Variants in NLRP4 observed in about 807,000 individuals in gnomAD.
NLRP4 encodes NACHT, LRR and PYD domains-containing protein 4.
A neutral mutation model predicts 84.7 loss-of-function variants in NLRP4; 44 were observed. The ratio of observed to expected loss-of-function variants is 0.52; its 90% CI spans 0.41 to 0.67. The LOEUF (loss-of-function observed/expected upper bound fraction) is 0.67, where lower values mean the gene tolerates loss of function less well. Ranked by LOEUF, NLRP4 falls within the 30% of genes least tolerant of loss-of-function variation. The probability of loss-of-function intolerance (pLI) is 0.00; values close to 1 mark genes in which losing one functional copy is unlikely to be tolerated. For synonymous variants in NLRP4, 544 were observed against 476.4 expected (o/e 1.14, Z -1.85); for missense variants, 1,260 against 1,219.4 (o/e 1.03, Z -0.50).
rs147124280 is a variant in NLRP4, at chr19:55,852,442, A to G, written c.280+82A>G. ...TGGTGAGTGGTCTCTGCCTGTCTAC[A>G]ACAGGACCTGAATGTGCTATGGGAA... On this transcript the variant is annotated intron_variant, in intron 2 of 9. Coordinates refer to ENST00000301295, the MANE Select transcript of NLRP4 (RefSeq NM_134444.5). 2.6e-4 allele frequency: 217 copies of G among 842,090 alleles called. 1 individual carries two copies. The highest frequency in any genetic ancestry group is 1.0e-3 in the Admixed American group (38 of 38,178). The allele number at this position is 842,090 out of a possible 1,614,324, so 52.2% of individuals were successfully genotyped here.
chr19:55,851,630 CCGAGG>C lies in NLRP4; in HGVS notation c.-65-384_-65-380del, dbSNP rs1984149990. 1.6e-4 allele frequency among the ~76,000 whole-genome samples: 16 copies of C among 98,348 alleles called. No homozygotes were observed. In the South Asian group the frequency reaches 5.5e-3, roughly 34 times the overall value. The allele number at this position is 98,348 out of a possible 152,430, so 64.5% of individuals were successfully genotyped here. On this transcript the variant is annotated intron_variant, in intron 1 of 9. Transcript: ENST00000301295. ...AATGTCCGTGGCTGCGGTGTAATGT[CCGAGG>C]CTGCGGTGTAATGTCCGAGGCTGCG...
rs189299553 is a variant in NLRP4, at chr19:55,881,592, G to C, written c.*5G>C. 1 of 1,414,150 alleles carries C rather than the reference G, an allele frequency of 7.1e-7. No individual in the cohort carries two copies. Among genetic ancestry groups the C allele is most frequent in the South Asian group, 1.2e-5 (1 of 85,124 alleles). The allele number at this position is 1,414,150 out of a possible 1,614,324, so 87.6% of individuals were successfully genotyped here. A position where few individuals can be genotyped will look rare whatever the true frequency, so the allele number is the denominator to read the frequency against. ...ATCACAAGGGTAGAGATCTGATTGC[G>C]AGGAACCTGGGCTCTGACTCGAACA... On this transcript the variant is annotated 3_prime_UTR_variant, in exon 10 of 10. Coordinates refer to ENST00000301295, the MANE Select transcript of NLRP4 (RefSeq NM_134444.5).
At chr19:55,866,230 C>T (rs1190318859) in intron 5 of NLRP4, among the ~76,000 whole-genome samples, 27 of 152,176 alleles carry the variant, frequency 1.8e-4, no homozygotes, top group Admixed American at 1.7e-3. Context: ...GATGGGGTTT[C>T]ACCATGCTGG....
At chr19:55,838,319 T>C (rs1228027387) in intron 1 of NLRP4, among the ~76,000 whole-genome samples, 1 of 150,594 alleles carries the variant, frequency 6.6e-6, no homozygotes, top group African/African-American at 2.4e-5. Flanking sequence ...AATGGCCACA[T>C]GAAGGTAGAG....
At chr19:55,861,852 A>C (rs1271706002) in intron 4 of NLRP4, 140 bp from the exon 5 acceptor site, 1 of 702,698 alleles carries the variant, frequency 1.4e-6, no homozygotes, top group African/African-American at 1.8e-5. Context: ...AAAATCTCTC[A>C]AGTTGAGAAC....
intron 1 of NLRP4, among the ~76,000 whole-genome samples, chr19:55,845,281 G>A (rs1464395234): frequency 6.7e-6 from 1 of 148,738 alleles, no homozygotes; most frequent in Non-Finnish European, 1.5e-5. Context: ...GCAGTGTTTG[G>A]TTTTTTGTCC....
chr19:55,840,344 A>ATGTGTG lies in NLRP4; in HGVS notation c.-66+3438_-66+3443dup, dbSNP rs762148583. On this transcript the variant is annotated intron_variant, in intron 1 of 9. Transcript: ENST00000301295. The stretch of plus-strand genomic sequence containing the variant: ...TGTGTATAGACATATGTGTATGTGT[A>ATGTGTG]TGTGTGTGTGTGTGTGTGTGTGTGT... 6.2e-3 allele frequency among the ~76,000 whole-genome samples: 742 copies of ATGTGTG among 119,704 alleles called. 3 individuals are homozygous for ATGTGTG. Among genetic ancestry groups the ATGTGTG allele is most frequent in the South Asian group, 0.011 (41 of 3,784 alleles). 78.5% of individuals were successfully genotyped at this position (119,704 alleles called of 152,430 possible). A position where few individuals can be genotyped will look rare whatever the true frequency, so the allele number is the denominator to read the frequency against.
chr19:55,868,273 T>A (rs1985040632), intron 6 of NLRP4, among the ~76,000 whole-genome samples: 1 of 151,838 alleles, frequency 6.6e-6, no homozygotes, highest in African/African-American at 2.4e-5. Context: ...CGGGGAAAAA[T>A]GTCTATGGGC....
Position 55,836,708 on chromosome 19 carries a change from ACC to A in NLRP4, c.-290_-289del, listed in dbSNP as rs1465016618. On this transcript the variant is annotated 5_prime_UTR_variant, in exon 1 of 10. Coordinates refer to ENST00000301295, the MANE Select transcript of NLRP4 (RefSeq NM_134444.5). ...ACAGCCAGGCCTCTCCATTCTATTTACCCAGCGTTTTCCTTCTCTCCAGTTAG... is the reference window on the plus strand; with the variant it reads ...ACAGCCAGGCCTCTCCATTCTATTTACAGCGTTTTCCTTCTCTCCAGTTAG... 1 of 150,600 alleles carries A rather than the reference ACC, an allele frequency of 6.6e-6. No individual in the cohort carries two copies. Among genetic ancestry groups the A allele is most frequent in the Non-Finnish European group, 1.5e-5 (1 of 67,810 alleles). The allele number at this position is 150,600 out of a possible 1,614,324, so 9.3% of individuals were successfully genotyped here. A position where few individuals can be genotyped will look rare whatever the true frequency, so the allele number is the denominator to read the frequency against.
At chr19:55,863,817 C>T (rs12973603) in intron 5 of NLRP4, among the ~76,000 whole-genome samples, 4,015 of 152,186 alleles carry the variant, frequency 0.026, 111 homozygotes, top group South Asian at 0.1. Flanking sequence ...GTGTACTTTC[C>T]AGTATGTATG....
At position 55,874,253 on chromosome 19, in the gene NLRP4, T is replaced by C. The variant is rs114834151; in HGVS notation, c.2526-2743T>C. Among the ~76,000 whole-genome samples, 1,391 of 152,306 alleles carry C rather than the reference T, an allele frequency of 9.1e-3. 17 individuals carry two copies. The highest frequency in any genetic ancestry group is 0.031 in the African/African-American group (1,295 of 41,572). On this transcript the variant is annotated intron_variant, in intron 7 of 9. Coordinates refer to ENST00000301295, the MANE Select transcript of NLRP4 (RefSeq NM_134444.5). Reference sequence around the variant, plus strand: ...ATAATATAGTTTATTTAGCCATATATCAAACATCACTTCAATATGTAATCA... The same window carrying C: ...ATAATATAGTTTATTTAGCCATATACCAAACATCACTTCAATATGTAATCA...
chr19:55,836,983 T>G (rs1021172169), intron 1 of NLRP4, 49 bp downstream of exon 1: 6 of 152,186 alleles, frequency 3.9e-5, no homozygotes, highest in African/African-American at 1.4e-4. Flanking sequence ...CCCTCTCTGC[T>G]CTTGTGAGCT....
intron 1 of NLRP4, among the ~76,000 whole-genome samples, chr19:55,838,526 GT>G (rs1318129417): frequency 6.6e-6 from 1 of 152,160 alleles, no homozygotes; most frequent in South Asian, 2.1e-4. Flanking sequence ...GTAGGTTTCT[GT>G]TTTAAGTTAC....
intron 1 of NLRP4, among the ~76,000 whole-genome samples, chr19:55,849,992 A>AGCTGCGGTGT: frequency 1.4e-4 from 1 of 7,402 alleles, no homozygotes; most frequent in South Asian, 3.2e-3. Context: ...GTAATTTCCG[A>AGCTGCGGTGT]GACTGCGGTG....
chr19:55,849,896 G>GGTGTAATTTCCGTGGCC (rs1983965514), intron 1 of NLRP4, among the ~76,000 whole-genome samples: 1 of 15,276 alleles, frequency 6.5e-5, no homozygotes, highest in African/African-American at 2.2e-4. Flanking sequence ...TTCCGTGGCC[G>GGTGTAATTTCCGTGGCC]GCGGTGTAAT....
chr19:55,852,379 G>C lies in NLRP4; in HGVS notation c.280+19G>C, dbSNP rs1478885952. The C allele has an allele frequency of 2.6e-6, 4 of 1,552,184 alleles. No homozygotes were observed. Among genetic ancestry groups the C allele is most frequent in the South Asian group, 1.2e-5 (1 of 81,604 alleles). Reference sequence around the variant, plus strand: ...AGAACAGGTGAGGGAGTCTGGGAAGGGGGAAGCCTTCTTATAATGAGGACT... The same window carrying C: ...AGAACAGGTGAGGGAGTCTGGGAAGCGGGAAGCCTTCTTATAATGAGGACT... On this transcript the variant is annotated intron_variant, in intron 2 of 9. Coordinates refer to ENST00000301295, the MANE Select transcript of NLRP4 (RefSeq NM_134444.5).
intron 2 of NLRP4, among the ~76,000 whole-genome samples, chr19:55,854,361 CTATTT>C (rs1984327888): frequency 6.6e-6 from 1 of 152,050 alleles, no homozygotes; most frequent in Admixed American, 6.5e-5. Flanking sequence ...ATTCCATCTT[CTATTT>C]TATTGAGCAT....
chr19:55,850,732 A>T lies in NLRP4; in HGVS notation c.-65-1284A>T, dbSNP rs1198045430. Among the ~76,000 whole-genome samples the T allele has an allele frequency of 1.2e-4, 13 of 112,536 alleles. 1 individual carries two copies. The highest frequency in any genetic ancestry group is 2.7e-4 in the South Asian group (1 of 3,648). 73.8% of individuals were successfully genotyped at this position (112,536 alleles called of 152,430 possible). A position where few individuals can be genotyped will look rare whatever the true frequency, so the allele number is the denominator to read the frequency against. On this transcript the variant is annotated intron_variant, in intron 1 of 9. Coordinates refer to ENST00000301295, the MANE Select transcript of NLRP4 (RefSeq NM_134444.5). ...TCCCGAGGCTGCGGTGTACTTTCCG[A>T]GGCTGCGGTGTACTTCCCGAGGCTG...
In NLRP4 at chr19:55,858,659, TG is replaced by T. The variant is rs1193638557; in HGVS notation, c.1270del (p.Val424LeufsTer16). 4 of 1,613,604 alleles carry T rather than the reference TG, an allele frequency of 2.5e-6. No homozygotes were observed. The African/African-American group carries it at 5.4e-5, about 22-fold the overall frequency. On this transcript the variant is annotated frameshift_variant, in exon 3 of 10. Coordinates refer to ENST00000301295, the MANE Select transcript of NLRP4 (RefSeq NM_134444.5). LOFTEE classifies it high-confidence loss of function. The surrounding 1 kb of genome is among the most constrained non-coding windows in gnomAD (Gnocchi z 4.2). ...TTTGTGAAGACGACCTCCGGAGAAATGGGGTTGTTGACGCTGACATCCCTGC... is the reference window on the plus strand; with the variant it reads ...TTTGTGAAGACGACCTCCGGAGAAATGGGTTGTTGACGCTGACATCCCTGC... ...EFCEDDLRRN[G>X]VVDADIPALL...
Sources: allele counts gnomAD v4.1 joint callset (sites outside exome capture counted in the v4.1 genomes callset), GRCh38; gene constraint gnomAD v4.1.1; non-coding constraint Gnocchi (gnomAD v3.1); transcripts MANE v1.5; gene names NCBI Gene and HGNC (gene_info 2026-07-23, HGNC 2026-07-21).